NASP: variants seen among roughly 807,000 people sequenced by gnomAD.
NASP encodes the protein NASP histone chaperone.
Under a neutral mutation model 89.5 loss-of-function variants are expected in NASP, and 24 were observed. That is an observed-to-expected ratio of 0.27 (90% CI 0.19 to 0.38). The LOEUF is 0.38. NASP is among the 10% of genes least tolerant of loss of function. NASP has a pLI of 1.00. For synonymous variants in NASP, 306 were observed against 324.7 expected, an observed-to-expected ratio of 0.94 and a Z score of 0.62; for missense variants, 848 against 921.4, an observed-to-expected ratio of 0.92 and a Z score of 1.03.
At position 45,606,467 on chromosome 1, in the gene NASP, C is replaced by G; in HGVS notation, c.300-15C>G. 1 of 1,597,560 alleles carries G rather than the reference C, an allele frequency of 6.3e-7. No individual in the cohort carries two copies. The highest frequency in any genetic ancestry group is 1.7e-5 in the Admixed American group (1 of 59,798). The stretch of plus-strand genomic sequence containing the variant: ...CTAGCCATCAAACCTTTGGTGCTTT[C>G]TTTTGTTCTCCTAGAATGGAGAATG... On this transcript the variant is annotated splice_polypyrimidine_tract_variant and intron_variant, in intron 4 of 14. Coordinates refer to ENST00000350030, the MANE Select transcript of NASP (RefSeq NM_002482.4).
At position 45,606,510 on chromosome 1, in the gene NASP, T is replaced by A. The variant is rs768548036; in HGVS notation, c.328T>A (p.Leu110Met). ...GGAGAATGGTGTGTTGGGAAACGCC[T>A]TGGAAGGTGTGCATGTGGAAGAGGA... The part of the protein sequence containing the change: ...RMENGVLGNA[L>M]EGVHVEEEEG... Residue 110 changes from leucine (L) to methionine (M), a missense_variant, in exon 5 of 15, where the codon TTG becomes ATG. Leu to Met is a conservative substitution (Grantham distance 15). Coordinates refer to ENST00000350030, the MANE Select transcript of NASP (RefSeq NM_002482.4). 6.2e-7 allele frequency: 1 copy of A among 1,613,950 alleles called. No individual in the cohort carries two copies. Among genetic ancestry groups the A allele is most frequent in the South Asian group, 1.1e-5 (1 of 91,074 alleles).
At chr1:45,585,362 C>T (rs1314218170) in intron 1 of NASP, among the ~76,000 whole-genome samples, 1 of 152,014 alleles carries the variant, frequency 6.6e-6, no homozygotes, top group African/African-American at 2.4e-5. Flanking sequence ...GGCTTACACT[C>T]TGTCATGATT....
chr1:45,614,005 A>G (rs1041004276), intron 7 of NASP, 91 bp from the exon 8 acceptor site: 12 of 1,017,242 alleles, frequency 1.2e-5, no homozygotes, highest in Admixed American at 2.3e-5. Context: ...TTTGAATCGT[A>G]TATCAACTTT....
chr1:45,589,584 A>G (rs1288202295), intron 1 of NASP, among the ~76,000 whole-genome samples: 2 of 152,138 alleles, frequency 1.3e-5, no homozygotes, highest in Non-Finnish European at 2.9e-5. Flanking sequence ...TGTAGTGACT[A>G]TTAGAATTAA....
intron 4 of NASP, among the ~76,000 whole-genome samples, chr1:45,605,900 C>T (rs1278155277): frequency 2.0e-5 from 3 of 151,720 alleles, no homozygotes; most frequent in Non-Finnish European, 1.5e-5. Flanking sequence ...CCTTAGCTTC[C>T]TGAGTAGCTG....
Position 45,606,542 on chromosome 1 carries a change from A to G in NASP, c.360A>G (p.Gly120=). The part of the protein sequence containing the change: ...LEGVHVEEEE[G]EKTEDESLVE... The stretch of plus-strand genomic sequence containing the variant: ...GTGTGCATGTGGAAGAGGAAGAAGG[A>G]GAAAAAACAGAAGATGAATCTCTGG... The change falls in exon 5 of 15, where the codon GGA becomes GGG. Residue 120 remains glycine (G), a synonymous_variant. Coordinates refer to ENST00000350030, the MANE Select transcript of NASP (RefSeq NM_002482.4). 1 of 1,613,674 alleles carries G rather than the reference A, an allele frequency of 6.2e-7. No individual in the cohort carries two copies.
At chr1:45,614,639 A>G (rs148956867) in intron 9 of NASP, among the ~76,000 whole-genome samples, 3,862 of 152,222 alleles carry the variant, frequency 0.025, 166 homozygotes, top group African/African-American at 0.089. Context: ...CCCGGGTTCA[A>G]GCGATTCTCC....
At chr1:45,609,405 G>A (rs143805585) in intron 6 of NASP, 2 of 152,274 alleles carry the variant, frequency 1.3e-5, no homozygotes, top group Non-Finnish European at 2.9e-5. Context: ...CTCAGTAACT[G>A]GAAATGAATT....
intron 2 of NASP, among the ~76,000 whole-genome samples, chr1:45,598,333 G>A (rs576464277): frequency 6.6e-6 from 1 of 152,210 alleles, no homozygotes; most frequent in East Asian, 1.9e-4. Context: ...ACCATGCCCG[G>A]CTAATTTTGT....
Position 45,618,153 on chromosome 1 carries a change from G to A in NASP, c.*12G>A, listed in dbSNP as rs1644140384. On this transcript the variant is annotated 3_prime_UTR_variant, in exon 15 of 15. Transcript: ENST00000350030. Reference sequence around the variant, plus strand: ...GCACTGCATGTTAAGAGGGGGCACAGCCCTCCTCCCAAGGGAAAGTGTTTT... The same window carrying A: ...GCACTGCATGTTAAGAGGGGGCACAACCCTCCTCCCAAGGGAAAGTGTTTT... 1.3e-6 allele frequency: 2 copies of A among 1,574,382 alleles called. No homozygotes were observed. Among genetic ancestry groups the A allele is most frequent in the South Asian group, 2.3e-5 (2 of 86,308 alleles).
Position 45,615,305 on chromosome 1 carries a change from C to T in NASP, c.1856C>T (p.Ala619Val), listed in dbSNP as rs779995067. 1 of 1,613,220 alleles carries T rather than the reference C, an allele frequency of 6.2e-7. No individual in the cohort carries two copies. Among genetic ancestry groups the T allele is most frequent in the Non-Finnish European group, 8.5e-7 (1 of 1,179,754 alleles). The change falls in exon 11 of 15, where the codon GCT (alanine) becomes GTT (valine). Residue 619 changes from alanine to valine, a missense_variant and splice_region_variant. This residue lies in a region of NASP where 218 missense variants were observed against 219.6 expected (regional missense o/e 0.99). Coordinates refer to ENST00000350030, the MANE Select transcript of NASP (RefSeq NM_002482.4). ...KSIEVIENRM[A>V]VLNEQVKEAE... ...TTACTAATCACTTTATTCTTTTTAG[C>T]TGTACTAAACGAGCAGGTGAAGGAG...
intron 2 of NASP, among the ~76,000 whole-genome samples, chr1:45,597,967 ATG>A (rs1186411227): frequency 6.6e-6 from 1 of 152,170 alleles, no homozygotes; most frequent in African/African-American, 2.4e-5. Flanking sequence ...TGACAGGAAA[ATG>A]TGAAAGGTGT....
chr1:45,584,130 GC>G lies in NASP; in HGVS notation c.-15del. On this transcript the variant is annotated 5_prime_UTR_variant, in exon 1 of 15. Transcript: ENST00000350030. ...CAGGCTCTATTCCGTTCGCTGGTTC[GC>G]CACCTCAGGGGAACGATGGCCATGG... 1.3e-6 allele frequency: 2 copies of G among 1,583,464 alleles called. No homozygotes were observed. The highest frequency in any genetic ancestry group is 1.7e-6 in the Non-Finnish European group (2 of 1,164,478).
intron 2 of NASP, among the ~76,000 whole-genome samples, chr1:45,593,736 A>G (rs1165902685): frequency 6.6e-6 from 1 of 151,000 alleles, no homozygotes; most frequent in Non-Finnish European, 1.5e-5. Flanking sequence ...TGGGTGTGGT[A>G]GCTTACACCA....
At chr1:45,609,670 A>G (rs1477992078) in intron 6 of NASP, 6 of 152,222 alleles carry the variant, frequency 3.9e-5, no homozygotes, top group Non-Finnish European at 8.8e-5. Context: ...AACTCGTTGG[A>G]TCATAATTAA....
At position 45,616,325 on chromosome 1, in the gene NASP, CAT is replaced by C. The variant is rs775029166; in HGVS notation, c.2023-11_2023-10del. On this transcript the variant is annotated splice_polypyrimidine_tract_variant and intron_variant, in intron 11 of 14. Coordinates refer to ENST00000350030, the MANE Select transcript of NASP (RefSeq NM_002482.4). ...TATCTTCAAACTAATTTGGATTTGT[CAT>C]TTCTCGCAGGTGGAGAGTTCTACTT... is the stretch of plus-strand genomic sequence containing the variant. 54 of 1,613,700 alleles carry C rather than the reference CAT, an allele frequency of 3.3e-5. No homozygotes were observed. Among genetic ancestry groups the C allele is most frequent in the Non-Finnish European group, 1.5e-5 (18 of 1,179,726 alleles).
rs1406293641 is a variant in NASP, at chr1:45,618,384, C to G, written c.*243C>G. The G allele has an allele frequency of 1.1e-5, 4 of 375,404 alleles. No individual in the cohort carries two copies. The Admixed American group carries it at 1.6e-4, about 15-fold the overall frequency. The allele number at this position is 375,404 out of a possible 1,614,324, so 23.3% of individuals were successfully genotyped here. The stretch of plus-strand genomic sequence containing the variant: ...GTTCCTGATCCTAATTCCTATCTGT[C>G]TAACGTGGAGGTGATCAAGTGTGGC... On this transcript the variant is annotated 3_prime_UTR_variant, in exon 15 of 15. Coordinates refer to ENST00000350030, the MANE Select transcript of NASP (RefSeq NM_002482.4).
chr1:45,611,077 CAA>C (rs1644000474), intron 6 of NASP: 2 of 152,084 alleles, frequency 1.3e-5, no homozygotes, highest in South Asian at 4.1e-4. Flanking sequence ...CTTAGTTCCC[CAA>C]AGTTAGACCA....
In NASP at chr1:45,606,517, G is replaced by T. The variant is rs761700758; in HGVS notation, c.335G>T (p.Gly112Val). The T allele has an allele frequency of 1.2e-6, 2 of 1,613,882 alleles. No individual in the cohort carries two copies. The highest frequency in any genetic ancestry group is 2.7e-5 in the African/African-American group (2 of 74,922). ...ENGVLGNALE[G>V]VHVEEEEGEK... is the part of the protein sequence containing the mutation. ...GGTGTGTTGGGAAACGCCTTGGAAG[G>T]TGTGCATGTGGAAGAGGAAGAAGGA... The change falls in exon 5 of 15, where the codon GGT (glycine) becomes GTT (valine). Residue 112 changes from glycine to valine, a missense_variant. Around this residue, in one of 5 missense-constraint regions of NASP, gnomAD observed 464 missense variants for 469.4 expected, o/e 0.99. Coordinates refer to ENST00000350030, the MANE Select transcript of NASP (RefSeq NM_002482.4).
Sources: gnomAD v4.1 joint callset for allele counts (sites outside exome capture counted in the v4.1 genomes callset) on GRCh38, gnomAD v4.1.1 for gene constraint, gnomAD v4.1.1 regional missense constraint, MANE v1.5 for transcripts, NCBI Gene and HGNC (gene_info 2026-07-23, HGNC 2026-07-21) for gene names.